Variants in CSMD1 observed in about 807,000 individuals in gnomAD.
CSMD1 encodes CUB and Sushi multiple domains 1, also known as CUB and sushi domain-containing protein 1.
In CSMD1, 213 loss-of-function variants were observed where a neutral mutation model predicts 417.5. The ratio of observed to expected loss-of-function variants is 0.51; its 90% CI spans 0.46 to 0.57. The LOEUF is 0.57. CSMD1 is among the 20% of genes least tolerant of loss of function. The probability of loss-of-function intolerance (pLI) is 0.00; values close to 1 mark genes in which losing one functional copy is unlikely to be tolerated. For missense variants in CSMD1, 6,923 were observed against 4,529.7 expected (o/e 1.53, Z -15.17); for synonymous variants, 2,862 against 1,736.8 (o/e 1.65, Z -16.11).
At chr8:4,330,660 T>C (rs1014861367) in intron 3 of CSMD1, among the ~76,000 whole-genome samples, 26 of 152,166 alleles carry the variant, frequency 1.7e-4, no homozygotes, top group African/African-American at 1.7e-4. Flanking sequence ...CAACCTCTTA[T>C]GCCTTTAAGT....
chr8:3,869,907 A>C (rs1805364977), intron 5 of CSMD1, among the ~76,000 whole-genome samples: 1 of 152,208 alleles, frequency 6.6e-6, no homozygotes, highest in Non-Finnish European at 1.5e-5. Context: ...GGCTTAAAGG[A>C]AAAACTAGCC....
chr8:4,434,990 T>C (rs1035347445), intron 2 of CSMD1, among the ~76,000 whole-genome samples: 1 of 152,238 alleles, frequency 6.6e-6, no homozygotes, highest in Non-Finnish European at 1.5e-5. Flanking sequence ...ACTCATATTT[T>C]GCATACTTTT....
chr8:4,219,873 C>T (rs569480476), intron 3 of CSMD1, among the ~76,000 whole-genome samples: 1 of 152,126 alleles, frequency 6.6e-6, no homozygotes, highest in African/African-American at 2.4e-5. Flanking sequence ...AAGACAAAAT[C>T]TCGAATTAAT....
intron 6 of CSMD1, among the ~76,000 whole-genome samples, chr8:3,726,205 C>T (rs1185060904): frequency 2.0e-5 from 3 of 152,292 alleles, no homozygotes; most frequent in Admixed American, 6.5e-5. Context: ...CCTCCGTTGC[C>T]TGCAGCCCCA....
intron 2 of CSMD1, among the ~76,000 whole-genome samples, chr8:4,523,186 A>C (rs2130409007): frequency 6.6e-6 from 1 of 152,320 alleles, no homozygotes; most frequent in Admixed American, 6.5e-5. Context: ...GTAATTCAAA[A>C]TAGGTCCTTA....
intron 3 of CSMD1, among the ~76,000 whole-genome samples, chr8:4,350,022 T>A (rs112541135): frequency 0.017 from 2,531 of 152,250 alleles, 61 homozygotes; most frequent in African/African-American, 0.058. Context: ...TCTTGTCTTT[T>A]CCTTGACTAA....
intron 3 of CSMD1, among the ~76,000 whole-genome samples, chr8:4,209,055 C>G (rs963100071): frequency 2.6e-5 from 4 of 152,164 alleles, no homozygotes; most frequent in Non-Finnish European, 5.9e-5. Flanking sequence ...TGACTTCTTG[C>G]TTCTTGAATT....
intron 25 of CSMD1, among the ~76,000 whole-genome samples, chr8:3,288,862 C>T (rs1325969045): frequency 6.8e-6 from 1 of 146,638 alleles, no homozygotes; most frequent in Non-Finnish European, 1.5e-5. Flanking sequence ...TTTTAGGGTA[C>T]ATGTGCACAA....
intron 1 of CSMD1, among the ~76,000 whole-genome samples, chr8:4,883,522 C>G (rs575646596): frequency 6.6e-6 from 1 of 152,098 alleles, no homozygotes; most frequent in Non-Finnish European, 1.5e-5. Flanking sequence ...ACAACCACTA[C>G]CATATTTTCC....
At chr8:4,399,061 G>T (rs75829722) in intron 3 of CSMD1, among the ~76,000 whole-genome samples, 1 of 152,024 alleles carries the variant, frequency 6.6e-6, no homozygotes, top group Non-Finnish European at 1.5e-5. Flanking sequence ...AATCTCAGTC[G>T]TAACATTCAC....
At chr8:3,755,224 G>A (rs1046256650) in intron 5 of CSMD1, among the ~76,000 whole-genome samples, 4 of 152,272 alleles carry the variant, frequency 2.6e-5, no homozygotes, top group South Asian at 4.1e-4. Flanking sequence ...ACAGGATTGC[G>A]TGCTGGCTCG....
chr8:4,678,374 G>T (rs935084964), intron 1 of CSMD1, among the ~76,000 whole-genome samples: 1 of 152,036 alleles, frequency 6.6e-6, no homozygotes, highest in Non-Finnish European at 1.5e-5. Flanking sequence ...TCATGTGACT[G>T]CATTCCAGCC....
chr8:2,938,470 G>T lies in CSMD1; in HGVS notation c.*115C>A. ...TGCACTTATGCCAGTAGACAAGGTT[G>T]AAGATCGCTGCAGTAAAGCCAGAGT... On this transcript the variant is annotated 3_prime_UTR_variant, in exon 70 of 70. Coordinates refer to ENST00000635120, the MANE Select transcript of CSMD1 (RefSeq NM_033225.6). 1.0e-6 allele frequency: 1 copy of T among 1,002,890 alleles called. No homozygotes were observed. The highest frequency in any genetic ancestry group is 1.5e-6 in the Non-Finnish European group (1 of 689,160). 62.1% of individuals were successfully genotyped at this position (1,002,890 alleles called of 1,614,324 possible).
chr8:4,794,747 T>C (rs1318799138), intron 1 of CSMD1, among the ~76,000 whole-genome samples: 1 of 152,226 alleles, frequency 6.6e-6, no homozygotes, highest in African/African-American at 2.4e-5. Context: ...AACAGATTAT[T>C]GAGCCATTTG....
chr8:4,729,260 A>G (rs1012334894), intron 1 of CSMD1, among the ~76,000 whole-genome samples: 1 of 152,228 alleles, frequency 6.6e-6, no homozygotes, highest in Non-Finnish European at 1.5e-5. Context: ...AAAGAAAATA[A>G]GAATAAAAAC....
chr8:3,740,047 A>G (rs764345350), intron 6 of CSMD1, among the ~76,000 whole-genome samples: 73 of 152,218 alleles, frequency 4.8e-4, no homozygotes, highest in Non-Finnish European at 1.6e-4. Flanking sequence ...AGCCACTTAC[A>G]ATATGCTGTT....
At chr8:4,196,436 C>G (rs1422879153) in intron 3 of CSMD1, among the ~76,000 whole-genome samples, 2 of 152,274 alleles carry the variant, frequency 1.3e-5, no homozygotes, top group South Asian at 2.1e-4. Context: ...ACAGTCCTTT[C>G]TGAAGCCTCT....
intron 2 of CSMD1, among the ~76,000 whole-genome samples, chr8:4,457,531 A>T (rs1799563749): frequency 6.6e-6 from 1 of 152,200 alleles, no homozygotes; most frequent in Non-Finnish European, 1.5e-5. Context: ...GTAATTAAGA[A>T]AATTTCAATT....
intron 3 of CSMD1, among the ~76,000 whole-genome samples, chr8:4,108,347 G>A (rs2130902435): frequency 6.6e-6 from 1 of 152,146 alleles, no homozygotes; most frequent in East Asian, 1.9e-4. Flanking sequence ...GATTCTCCTG[G>A]CATGCAAGAT....
Sources: gnomAD v4.1 joint callset for allele counts (sites outside exome capture counted in the v4.1 genomes callset) on GRCh38, gnomAD v4.1.1 for gene constraint, MANE v1.5 for transcripts, NCBI Gene and HGNC (gene_info 2026-07-23, HGNC 2026-07-21) for gene names.